Variants in SLC4A8 observed in about 807,000 individuals in gnomAD.
SLC4A8 encodes the protein solute carrier family 4 member 8.
SLC4A8 carries 40 observed loss-of-function variants against 125.0 expected under a neutral mutation model. The ratio of observed to expected loss-of-function variants is 0.32; its 90% CI spans 0.25 to 0.42. The LOEUF is 0.42. Ranked by LOEUF, SLC4A8 falls within the 10% of genes least tolerant of loss-of-function variation. The probability of loss-of-function intolerance (pLI) is 1.00; values close to 1 mark genes in which losing one functional copy is unlikely to be tolerated. For missense variants in SLC4A8, 863 were observed against 1,355.1 expected, an observed-to-expected ratio of 0.64 and a Z score of 5.70; for synonymous variants, 456 against 476.0, an observed-to-expected ratio of 0.96 and a Z score of 0.55.
Position 51,461,305 on chromosome 12 carries a change from T to C in SLC4A8, c.1101+14T>C. ...ATGACAGATGAGGTATGTGCAACTT[T>C]TGCTTCAGTCTTCCATCTCATAAAT... On this transcript the variant is annotated intron_variant, in intron 9 of 24. Transcript: ENST00000453097. 1 of 1,467,548 alleles carries C rather than the reference T, an allele frequency of 6.8e-7. No homozygotes were observed. The highest frequency in any genetic ancestry group is 9.6e-7 in the Non-Finnish European group (1 of 1,046,640). 90.9% of individuals were successfully genotyped at this position (1,467,548 alleles called of 1,614,324 possible).
rs763340830 is a variant in SLC4A8 at position 51,424,945 on chromosome 12, G to A, written c.-43G>A. On this transcript the variant is annotated 5_prime_UTR_variant, in exon 1 of 25. It removes an upstream start codon present in the reference 5' UTR. Coordinates refer to ENST00000453097, the MANE Select transcript of SLC4A8 (RefSeq NM_001039960.3). ...CGACCAGAGGGCGCGGGCTGCTGATGCTTGGCTTGGAGCCCGTGGGGGAGA... is the reference window on the plus strand; with the variant it reads ...CGACCAGAGGGCGCGGGCTGCTGATACTTGGCTTGGAGCCCGTGGGGGAGA... 8 of 1,548,538 alleles carry A rather than the reference G, an allele frequency of 5.2e-6. No individual in the cohort carries two copies. In the African/African-American group the frequency reaches 8.2e-5, roughly 16 times the overall value.
At chr12:51,422,934 C>T (rs895334063), upstream of SLC4A8, among the ~76,000 whole-genome samples, 4 of 152,184 alleles carry the variant, frequency 2.6e-5, no homozygotes, top group Non-Finnish European at 4.4e-5. Flanking sequence ...TAATATTACT[C>T]ATTAACATAT....
rs1592209481 is a variant in SLC4A8, at chr12:51,453,612, T to C, written c.487T>C (p.Leu163=). Residue 163 remains leucine, a synonymous_variant, in exon 5 of 25, where the codon TTG becomes CTG. Transcript: ENST00000453097. The part of the protein sequence containing the change: ...WSKPYVATLS[L]HSLFELRSCL... The stretch of plus-strand genomic sequence containing the variant: ...CAAGCCTTATGTGGCAACCCTTTCA[T>C]TGCACAGCCTGTTTGAGCTAAGGAG... The C allele has an allele frequency of 6.2e-7, 1 of 1,614,190 alleles. No homozygotes were observed. The highest frequency in any genetic ancestry group is 2.2e-5 in the East Asian group (1 of 44,890).
chr12:51,396,528 G>A (rs532923573), intron 1 of SLC4A8, among the ~76,000 whole-genome samples: 6 of 152,088 alleles, frequency 3.9e-5, no homozygotes, highest in African/African-American at 1.2e-4. Context: ...AATCAGTGAT[G>A]GACAAAGTAT....
At chr12:51,402,495 G>A (rs1282231003) in intron 1 of SLC4A8, among the ~76,000 whole-genome samples, 1 of 152,150 alleles carries the variant, frequency 6.6e-6, no homozygotes, top group Non-Finnish European at 1.5e-5. Flanking sequence ...GCTAAGGTGC[G>A]TGGATCACCT....
rs200563022 is a variant in SLC4A8 at position 51,475,184 on chromosome 12, C to T, written c.2150C>T (p.Thr717Met). 11 of 1,587,670 alleles carry T rather than the reference C, an allele frequency of 6.9e-6. No homozygotes were observed. The highest frequency in any genetic ancestry group is 1.8e-5 in the Admixed American group (1 of 56,598). The change falls in exon 16 of 25, where the codon ACG becomes ATG. Residue 717 changes from threonine to methionine, a missense_variant. Transcript: ENST00000453097. The stretch of plus-strand genomic sequence containing the variant: ...TCAAGCACCTTAAAGACGTTTAAGA[C>T]GAGCCGTTATTTCCCAACCAGAGTA... Reference protein sequence around the residue: ...ILSSTLKTFKTSRYFPTRVRS... With the variant: ...ILSSTLKTFKMSRYFPTRVRS...
In SLC4A8 at chr12:51,504,135, C is replaced by CCA. The variant is rs1938062638; in HGVS notation, c.3173+15_3173+16insCA. 1 of 1,454,842 alleles carries CCA rather than the reference C, an allele frequency of 6.9e-7. No individual in the cohort carries two copies. Among genetic ancestry groups the CCA allele is most frequent in the Admixed American group, 1.9e-5 (1 of 52,470 alleles). 90.1% of individuals were successfully genotyped at this position (1,454,842 alleles called of 1,614,324 possible). A position where few individuals can be genotyped will look rare whatever the true frequency, so the allele number is the denominator to read the frequency against. ...ATCAGTTGCAGGTAAAACTTCCAAA[C>CCA]ACCAAGGAGTTTACTTTTGGGTTAT... On this transcript the variant is annotated intron_variant, in intron 23 of 24. Transcript: ENST00000453097.
At chr12:51,415,982 T>C (rs1948677550) in intron 1 of SLC4A8, among the ~76,000 whole-genome samples, 1 of 151,936 alleles carries the variant, frequency 6.6e-6, no homozygotes, top group South Asian at 2.1e-4. Flanking sequence ...GAAATCACTA[T>C]TACCAAAAGG....
intron 1 of SLC4A8, among the ~76,000 whole-genome samples, chr12:51,415,106 T>C (rs1948660320): frequency 6.6e-6 from 1 of 152,188 alleles, no homozygotes; most frequent in Non-Finnish European, 1.5e-5. Context: ...TATTGGCCTG[T>C]AGTTTTCTTT....
At chr12:51,423,883 A>C (rs1394446849), upstream of SLC4A8, among the ~76,000 whole-genome samples, 1 of 151,896 alleles carries the variant, frequency 6.6e-6, no homozygotes, top group Non-Finnish European at 1.5e-5. Context: ...CAAATACAAA[A>C]AAATCAGCCG....
rs868076547 is a variant in SLC4A8, at chr12:51,507,579, A to G, written c.*141A>G. 7 of 539,632 alleles carry G rather than the reference A, an allele frequency of 1.3e-5. No individual in the cohort carries two copies. In the Middle Eastern group the frequency reaches 2.2e-3, roughly 171 times the overall value. The allele number at this position is 539,632 out of a possible 1,614,324, so 33.4% of individuals were successfully genotyped here. Reference sequence around the variant, plus strand: ...GGTCATCTCAAAGCCATGCCGAAGCATTCAGTTATTCTTGGTGTGCATTGG... The same window carrying G: ...GGTCATCTCAAAGCCATGCCGAAGCGTTCAGTTATTCTTGGTGTGCATTGG... On this transcript the variant is annotated 3_prime_UTR_variant, in exon 25 of 25. Coordinates refer to ENST00000453097, the MANE Select transcript of SLC4A8 (RefSeq NM_001039960.3).
At chr12:51,466,872 TCA>T (rs1233594361) in intron 11 of SLC4A8, among the ~76,000 whole-genome samples, 1 of 152,176 alleles carries the variant, frequency 6.6e-6, no homozygotes, top group Non-Finnish European at 1.5e-5. Context: ...TGTCTGTTGC[TCA>T]CAGACACTCC....
At chr12:51,448,011 G>A (rs1397988533) in intron 2 of SLC4A8, among the ~76,000 whole-genome samples, 4 of 152,254 alleles carry the variant, frequency 2.6e-5, no homozygotes, top group Non-Finnish European at 4.4e-5. Flanking sequence ...GAGCCACCAC[G>A]TCCGGCTGGG....
chr12:51,416,154 C>G (rs1212939706), intron 1 of SLC4A8, among the ~76,000 whole-genome samples: 3 of 149,214 alleles, frequency 2.0e-5, no homozygotes, highest in Admixed American at 1.3e-4. Context: ...AGGACTAGAG[C>G]TGTCCTAATT....
At chr12:51,503,023 A>G (rs1056126026) in intron 22 of SLC4A8, among the ~76,000 whole-genome samples, 1 of 150,518 alleles carries the variant, frequency 6.6e-6, no homozygotes, top group African/African-American at 2.4e-5. Flanking sequence ...TTGTATTTTT[A>G]GTAGAGACGG....
intron 2 of SLC4A8, among the ~76,000 whole-genome samples, chr12:51,447,639 G>A (rs1949815452): frequency 6.6e-6 from 1 of 151,950 alleles, no homozygotes; most frequent in Non-Finnish European, 1.5e-5. Flanking sequence ...TGGTTGCTGA[G>A]GTACATGGCA....
chr12:51,402,430 G>A (rs1011435226), intron 1 of SLC4A8, among the ~76,000 whole-genome samples: 1 of 152,112 alleles, frequency 6.6e-6, no homozygotes, highest in Non-Finnish European at 1.5e-5. Flanking sequence ...AAATTTAAAG[G>A]CTAAAGTGAG....
chr12:51,473,896 G>A (rs1397737635), intron 14 of SLC4A8, among the ~76,000 whole-genome samples: 1 of 152,190 alleles, frequency 6.6e-6, no homozygotes, highest in Non-Finnish European at 1.5e-5. Flanking sequence ...AGAGCATGAC[G>A]AAGGGTATAG....
chr12:51,503,971 C>A, intron 22 of SLC4A8, 58 bp from the exon 23 acceptor site: 1 of 880,468 alleles, frequency 1.1e-6, no homozygotes. Context: ...GAAGAATGGG[C>A]TGGTGAACTT....
Sources: gnomAD v4.1 joint callset for allele counts (sites outside exome capture counted in the v4.1 genomes callset) on GRCh38, gnomAD v4.1.1 for gene constraint, MANE v1.5 for transcripts, NCBI Gene and HGNC (gene_info 2026-07-23, HGNC 2026-07-21) for gene names.